Variants in FABP7 observed in about 807,000 individuals in gnomAD.
The protein encoded by FABP7 is fatty acid-binding protein, brain.
A neutral mutation model predicts 14.2 loss-of-function variants in FABP7; 13 were observed. The ratio of observed to expected loss-of-function variants is 0.91; its 90% CI spans 0.59 to 1.45. The LOEUF (loss-of-function observed/expected upper bound fraction) is 1.45. FABP7 is among the 40% of genes most tolerant of loss of function. The pLI is 0.00. For synonymous variants in FABP7, 49 were observed against 51.4 expected (o/e 0.95, Z 0.20); for missense variants, 149 against 157.6 (o/e 0.95, Z 0.29).
At chr6:122,752,275 C>T in the FABP7 span, among the ~76,000 whole-genome samples, 1 of 152,180 alleles carries the variant, frequency 6.6e-6, no homozygotes, top group Non-Finnish European at 1.5e-5. Flanking sequence ...TCATCCTTGC[C>T]TGCAATCTTT....
the FABP7 span, among the ~76,000 whole-genome samples, chr6:122,750,496 G>A: frequency 1.6e-4 from 25 of 152,264 alleles, no homozygotes; most frequent in Non-Finnish European, 3.4e-4. Flanking sequence ...AACCAGACAT[G>A]TGCAATAATA....
upstream of FABP7, among the ~76,000 whole-genome samples, chr6:122,777,772 C>T (rs950389998): frequency 6.6e-6 from 1 of 151,772 alleles, no homozygotes; most frequent in South Asian, 2.1e-4. Flanking sequence ...TCACTTGAGT[C>T]GTGGAGGTTG....
the FABP7 span, among the ~76,000 whole-genome samples, chr6:122,764,097 A>G: frequency 5.3e-5 from 8 of 152,208 alleles, no homozygotes; most frequent in Non-Finnish European, 1.2e-4. Flanking sequence ...ACGTATGTTT[A>G]TTGTGGCACT....
intron 1 of FABP7, 87 bp downstream of exon 1, chr6:122,779,954 A>G (rs1204570657): frequency 1.9e-5 from 25 of 1,285,400 alleles, no homozygotes; most frequent in Non-Finnish European, 2.8e-5. Flanking sequence ...CAGGTCAGCA[A>G]GAGGCAAAGA....
intron 3 of FABP7, chr6:122,783,490 T>C: frequency 1.0e-6 from 1 of 985,460 alleles, no homozygotes; most frequent in Non-Finnish European, 1.2e-6. Context: ...TTCTTTTGAC[T>C]TGAATCTAAA....
upstream of FABP7, among the ~76,000 whole-genome samples, chr6:122,777,752 T>C (rs973671150): frequency 2.6e-5 from 4 of 152,040 alleles, no homozygotes; most frequent in African/African-American, 9.6e-5. Flanking sequence ...AGAGGGCTGA[T>C]GTGGGAGGAT....
the FABP7 span, among the ~76,000 whole-genome samples, chr6:122,759,196 C>T: frequency 1.3e-5 from 2 of 152,126 alleles, no homozygotes; most frequent in Non-Finnish European, 2.9e-5. Flanking sequence ...AGATGTTCCT[C>T]ATGGGGGTTT....
At chr6:122,751,468 C>T in the FABP7 span, among the ~76,000 whole-genome samples, 5 of 152,276 alleles carry the variant, frequency 3.3e-5, no homozygotes, top group South Asian at 2.1e-4. Flanking sequence ...GCATCTATGC[C>T]GAGAAGTCTT....
At chr6:122,770,420 C>A in the FABP7 span, among the ~76,000 whole-genome samples, 5 of 152,078 alleles carry the variant, frequency 3.3e-5, no homozygotes, top group South Asian at 6.2e-4. Flanking sequence ...AGTCACACAC[C>A]ATTTCCACGA....
At chr6:122,770,048 T>C in the FABP7 span, among the ~76,000 whole-genome samples, 3 of 152,124 alleles carry the variant, frequency 2.0e-5, no homozygotes, top group Admixed American at 6.6e-5. Context: ...ACAAATTCTC[T>C]TGCAAATAAT....
At position 122,783,751 on chromosome 6, in the gene FABP7, A is replaced by G; in HGVS notation, c.383A>G (p.His128Arg). ...LTFGDVVAVRHYEKA is the reference protein window; with the variant it reads ...LTFGDVVAVRRYEKA ...TTTGGTGATGTGGTTGCTGTTCGCC[A>G]CTATGAGAAGGCATAAAAATGTTCC... Residue 128 changes from histidine to arginine, a missense_variant, in exon 4 of 4, where the codon CAC (histidine) becomes CGC (arginine). Transcript: ENST00000368444. 1 of 1,608,066 alleles carries G rather than the reference A, an allele frequency of 6.2e-7. No homozygotes were observed. The highest frequency in any genetic ancestry group is 1.1e-5 in the South Asian group (1 of 89,402).
chr6:122,757,953 G>A, the FABP7 span, among the ~76,000 whole-genome samples: 157 of 152,180 alleles, frequency 1.0e-3, 2 homozygotes, highest in African/African-American at 3.5e-3. Context: ...CCTTTACTTA[G>A]ACATGTGTCA....
upstream of FABP7, chr6:122,779,687 A>G: frequency 2.9e-6 from 3 of 1,032,320 alleles, no homozygotes; most frequent in Admixed American, 2.2e-5. Context: ...CTCTTTCCAA[A>G]TAAGAAGGCA....
chr6:122,778,367 A>G (rs117525495), upstream of FABP7, among the ~76,000 whole-genome samples: 1,183 of 152,288 alleles, frequency 7.8e-3, 12 homozygotes, highest in Non-Finnish European at 9.6e-3. Context: ...GTGAAGGAAG[A>G]CTACAGTTTT....
At chr6:122,777,109 A>T (rs73768832), upstream of FABP7, among the ~76,000 whole-genome samples, 1,934 of 152,346 alleles carry the variant, frequency 0.013, 57 homozygotes, top group African/African-American at 0.044. Flanking sequence ...TAAGATGAAG[A>T]TATCTAATAC....
At chr6:122,774,467 C>A in the FABP7 span, among the ~76,000 whole-genome samples, 3 of 150,098 alleles carry the variant, frequency 2.0e-5, no homozygotes, top group African/African-American at 7.3e-5. Context: ...ACAGTCTCTG[C>A]TTTTTCACTT....
intron 3 of FABP7, 127 bp downstream of exon 3, chr6:122,781,321 C>A: frequency 6.5e-7 from 1 of 1,548,954 alleles, no homozygotes; most frequent in Non-Finnish European, 8.7e-7. Flanking sequence ...TAATACATCA[C>A]TGGCAAGGTT....
chr6:122,751,452 A>C, the FABP7 span, among the ~76,000 whole-genome samples: 14 of 152,206 alleles, frequency 9.2e-5, no homozygotes, highest in African/African-American at 3.1e-4. Context: ...CCATCTATGC[A>C]TGCAGGCATC....
At chr6:122,770,450 A>T in the FABP7 span, among the ~76,000 whole-genome samples, 1 of 152,146 alleles carries the variant, frequency 6.6e-6, no homozygotes, top group African/African-American at 2.4e-5. Context: ...GGGTCAAGGA[A>T]TTAGTAGTAG....
Sources: allele counts gnomAD v4.1 joint callset (sites outside exome capture counted in the v4.1 genomes callset), GRCh38; gene constraint gnomAD v4.1.1; transcripts MANE v1.5; gene names NCBI Gene and HGNC (gene_info 2026-07-23, HGNC 2026-07-21).